The following ELMO1 variants were observed in gnomAD, a reference collection of about 807,000 sequenced individuals.
ELMO1 encodes the protein engulfment and cell motility 1.
ELMO1 carries 26 observed loss-of-function variants against 98.9 expected under a neutral mutation model. The ratio of observed to expected loss-of-function variants is 0.26; its 90% CI spans 0.19 to 0.36. The LOEUF (loss-of-function observed/expected upper bound fraction) is 0.36. Ranked by LOEUF, ELMO1 falls within the 10% of genes least tolerant of loss-of-function variation. ELMO1 has a pLI of 1.00. For missense variants in ELMO1, 627 were observed against 935.2 expected (o/e 0.67, Z 4.30); for synonymous variants, 346 against 346.0 (o/e 1.00, Z 0.00).
At chr7:37,100,972 A>G (rs1025775237) in intron 14 of ELMO1, among the ~76,000 whole-genome samples, 1 of 152,270 alleles carries the variant, frequency 6.6e-6, no homozygotes, top group Non-Finnish European at 1.5e-5. Context: ...TCACACAACA[A>G]AGGCAAAGTC....
intron 15 of ELMO1, among the ~76,000 whole-genome samples, chr7:37,059,799 A>C (rs1030642750): frequency 1.3e-5 from 2 of 152,208 alleles, no homozygotes; most frequent in African/African-American, 4.8e-5. Flanking sequence ...TCATTTTCTC[A>C]TTAGATCCCA....
chr7:37,047,174 C>T (rs1209716346), intron 15 of ELMO1, among the ~76,000 whole-genome samples: 6 of 152,192 alleles, frequency 3.9e-5, no homozygotes, highest in Non-Finnish European at 8.8e-5. Context: ...CTGTCCCCAC[C>T]CTATAGCACT....
At position 36,870,201 on chromosome 7, in the gene ELMO1, G is replaced by A. The variant is rs1313184862; in HGVS notation, c.1905+192C>T. ...GAAAAGATGGTGAGCATCAGAAAAG[G>A]GGTCAGAAAGAGAAAGAATAAGGGT... On this transcript the variant is annotated intron_variant, in intron 20 of 21. Coordinates refer to ENST00000310758, the MANE Select transcript of ELMO1 (RefSeq NM_014800.11). The surrounding 1 kb of genome is among the most constrained non-coding windows in gnomAD (Gnocchi z 4.4). 6.6e-6 allele frequency among the ~76,000 whole-genome samples: 1 copy of A among 152,004 alleles called. No individual in the cohort carries two copies. Among genetic ancestry groups the A allele is most frequent in the South Asian group, 2.1e-4 (1 of 4,826 alleles).
chr7:37,340,763 A>AC (rs1368350646), intron 2 of ELMO1, among the ~76,000 whole-genome samples: 1 of 152,204 alleles, frequency 6.6e-6, no homozygotes, highest in Non-Finnish European at 1.5e-5. Flanking sequence ...TAAAACACAC[A>AC]CATAGCAAAG....
chr7:37,207,123 G>A (rs1047716571), intron 13 of ELMO1, among the ~76,000 whole-genome samples: 13 of 152,158 alleles, frequency 8.5e-5, no homozygotes, highest in Admixed American at 6.5e-4. Context: ...AGGTCTTGGC[G>A]GCTACAATCA....
chr7:37,347,763 G>A (rs532266926), intron 1 of ELMO1, among the ~76,000 whole-genome samples: 86 of 152,100 alleles, frequency 5.7e-4, no homozygotes, highest in Non-Finnish European at 9.3e-4. Flanking sequence ...TAATACAGGC[G>A]GTAAGCTAGC....
At chr7:37,138,294 A>G (rs1170749054) in intron 13 of ELMO1, among the ~76,000 whole-genome samples, 2 of 41,472 alleles carry the variant, frequency 4.8e-5, no homozygotes, top group African/African-American at 5.4e-5. Flanking sequence ...GTTCTTTGAA[A>G]AGATAAAAAA....
chr7:37,042,980 C>T (rs191226852), intron 15 of ELMO1, among the ~76,000 whole-genome samples: 1 of 152,342 alleles, frequency 6.6e-6, no homozygotes, highest in Admixed American at 6.5e-5. Context: ...GCACTTGAAG[C>T]AAGCCCCATT....
intron 1 of ELMO1, among the ~76,000 whole-genome samples, chr7:37,378,275 T>C (rs1802440245): frequency 6.6e-6 from 1 of 152,064 alleles, no homozygotes; most frequent in South Asian, 2.1e-4. Context: ...AGTGCTGGGG[T>C]ACTGTGTGGC....
chr7:36,863,088 T>C (rs1802754782), intron 20 of ELMO1, among the ~76,000 whole-genome samples: 1 of 152,150 alleles, frequency 6.6e-6, no homozygotes, highest in Admixed American at 6.5e-5. Flanking sequence ...TGTCCCTCAT[T>C]GAGAGGGGGC....
intron 17 of ELMO1, among the ~76,000 whole-genome samples, chr7:36,894,574 G>T (rs913636848): frequency 1.3e-5 from 2 of 152,210 alleles, no homozygotes; most frequent in African/African-American, 4.8e-5. Flanking sequence ...TGTTGGAAAA[G>T]GTCCAAACTT....
chr7:36,910,911 T>TC (rs1382239235), intron 16 of ELMO1, among the ~76,000 whole-genome samples: 2 of 152,102 alleles, frequency 1.3e-5, no homozygotes, highest in African/African-American at 4.8e-5. Flanking sequence ...TCTGTATTTT[T>TC]CCCCCAAAAT....
chr7:36,893,676 A>G (rs544069552), intron 17 of ELMO1, among the ~76,000 whole-genome samples: 3 of 152,188 alleles, frequency 2.0e-5, no homozygotes, highest in East Asian at 3.9e-4. Flanking sequence ...GGCAAACACA[A>G]TATTAGCTGA....
chr7:37,205,494 CT>C (rs1792562694), intron 13 of ELMO1, among the ~76,000 whole-genome samples: 1 of 152,168 alleles, frequency 6.6e-6, no homozygotes. Context: ...CGTATTTTTT[CT>C]GCGTGGCATG....
intron 16 of ELMO1, among the ~76,000 whole-genome samples, chr7:36,925,214 T>C (rs1442254746): frequency 1.3e-5 from 2 of 152,156 alleles, no homozygotes; most frequent in African/African-American, 4.8e-5. Flanking sequence ...TGAAGACAAC[T>C]GCCAGTAGAT....
At chr7:36,941,737 T>G (rs1029348514) in intron 16 of ELMO1, among the ~76,000 whole-genome samples, 1 of 152,240 alleles carries the variant, frequency 6.6e-6, no homozygotes, top group African/African-American at 2.4e-5. Context: ...TGACCAGTCC[T>G]GGGCAAATGG....
chr7:37,414,658 T>C (rs568593773), intron 1 of ELMO1, among the ~76,000 whole-genome samples: 1 of 152,348 alleles, frequency 6.6e-6, no homozygotes, highest in South Asian at 2.1e-4. Context: ...AGTGGCTGAA[T>C]CAATCTAATT....
rs549201379 is a variant in ELMO1, at chr7:37,005,482, AG to A, written c.1437+7816del. Among the ~76,000 whole-genome samples, 226 of 152,222 alleles carry A rather than the reference AG, an allele frequency of 1.5e-3. 1 individual carries two copies. Among genetic ancestry groups the A allele is most frequent in the African/African-American group, 5.1e-3 (213 of 41,522 alleles). ...CAAGGCAGGTGAATCACCTGAGGTC[AG>A]GAGTTCAAGACCAGCCTGGCCAACA... On this transcript the variant is annotated intron_variant, in intron 16 of 21. Transcript: ENST00000310758.
At chr7:36,960,812 G>A (rs948632803) in intron 16 of ELMO1, among the ~76,000 whole-genome samples, 1 of 152,082 alleles carries the variant, frequency 6.6e-6, no homozygotes, top group Non-Finnish European at 1.5e-5. Flanking sequence ...TCAGTGTTAC[G>A]TAAATGACAC....
Sources: gnomAD v4.1 joint callset for allele counts (sites outside exome capture counted in the v4.1 genomes callset) on GRCh38, gnomAD v4.1.1 for gene constraint, Gnocchi (gnomAD v3.1) non-coding constraint, MANE v1.5 for transcripts, NCBI Gene and HGNC (gene_info 2026-07-23, HGNC 2026-07-21) for gene names.